Variants in CDK14 observed in about 807,000 individuals in gnomAD.
CDK14 encodes cyclin dependent kinase 14.
In CDK14, 34 loss-of-function variants were observed where a neutral mutation model predicts 60.7. The observed-to-expected ratio is 0.56, with a 90% confidence interval of 0.43 to 0.75. The LOEUF is 0.75. Ranked by LOEUF, CDK14 falls within the 30% of genes least tolerant of loss-of-function variation. The probability of loss-of-function intolerance (pLI) is 0.00; values close to 1 mark genes in which losing one functional copy is unlikely to be tolerated. For missense variants in CDK14, 482 were observed against 564.1 expected, an observed-to-expected ratio of 0.85 and a Z score of 1.47; for synonymous variants, 197 against 203.7, an observed-to-expected ratio of 0.97 and a Z score of 0.28.
At chr7:90,748,989 G>A (rs1803703452) in intron 4 of CDK14, among the ~76,000 whole-genome samples, 1 of 152,142 alleles carries the variant, frequency 6.6e-6, no homozygotes, top group African/African-American at 2.4e-5. Context: ...TTTTGATTAT[G>A]TGCTAATTTA....
chr7:91,098,347 T>TA (rs1418997289), intron 12 of CDK14, among the ~76,000 whole-genome samples: 1 of 152,148 alleles, frequency 6.6e-6, no homozygotes, highest in Non-Finnish European at 1.5e-5. Flanking sequence ...AACCATTTAA[T>TA]ACGTTTAGTC....
At chr7:90,877,842 TA>T (rs1467058394) in intron 6 of CDK14, among the ~76,000 whole-genome samples, 1 of 152,124 alleles carries the variant, frequency 6.6e-6, no homozygotes, top group East Asian at 1.9e-4. Context: ...TTTGGCTAAC[TA>T]AAAATACATT....
At chr7:90,780,235 C>A (rs1656225845) in intron 4 of CDK14, among the ~76,000 whole-genome samples, 2 of 151,730 alleles carry the variant, frequency 1.3e-5, no homozygotes, top group Admixed American at 6.6e-5. Context: ...AAATCAACTA[C>A]AATATTTAAT....
At chr7:90,747,912 T>C (rs1803660043) in intron 4 of CDK14, 137 bp downstream of exon 4, 1 of 351,930 alleles carries the variant, frequency 2.8e-6, no homozygotes, top group African/African-American at 2.2e-5. Context: ...TTTTTTTTTT[T>C]TTTTGGCAAG....
At chr7:91,189,876 A>G (rs1415600911) in intron 14 of CDK14, among the ~76,000 whole-genome samples, 2 of 152,226 alleles carry the variant, frequency 1.3e-5, no homozygotes, top group African/African-American at 2.4e-5. Flanking sequence ...GTTTTGGAGT[A>G]ATAAAACCTG....
At chr7:90,949,368 T>G (rs1584156751) in intron 8 of CDK14, among the ~76,000 whole-genome samples, 1 of 151,870 alleles carries the variant, frequency 6.6e-6, no homozygotes, top group Non-Finnish European at 1.5e-5. Context: ...ACTTGGCCAA[T>G]TTTTTGTATT....
At chr7:91,053,976 C>T (rs1299731898) in intron 11 of CDK14, among the ~76,000 whole-genome samples, 1 of 151,808 alleles carries the variant, frequency 6.6e-6, no homozygotes, top group Non-Finnish European at 1.5e-5. Context: ...TTTTTACATT[C>T]CCTTCAATAT....
intron 2 of CDK14, among the ~76,000 whole-genome samples, chr7:90,717,233 AT>A (rs1802281299): frequency 6.6e-6 from 1 of 152,144 alleles, no homozygotes; most frequent in Admixed American, 6.6e-5. Flanking sequence ...ATATGAGCCT[AT>A]AAACAAAACT....
chr7:90,712,122 T>A (rs1378596414), intron 2 of CDK14, among the ~76,000 whole-genome samples: 1 of 152,054 alleles, frequency 6.6e-6, no homozygotes, highest in Non-Finnish European at 1.5e-5. Flanking sequence ...CTTTGATATT[T>A]TTTATTGTGG....
intron 2 of CDK14, among the ~76,000 whole-genome samples, chr7:90,683,871 T>A (rs950847584): frequency 6.6e-6 from 1 of 151,092 alleles, no homozygotes; most frequent in Non-Finnish European, 1.5e-5. Flanking sequence ...TTTAGGGCCT[T>A]TGAGCAGATA....
chr7:90,856,557 G>C (rs574359802), intron 5 of CDK14, among the ~76,000 whole-genome samples: 1 of 152,170 alleles, frequency 6.6e-6, no homozygotes, highest in African/African-American at 2.4e-5. Flanking sequence ...CTGCGTATCA[G>C]TGCTCAGCGT....
At chr7:91,016,322 T>C (rs1046258869) in intron 10 of CDK14, among the ~76,000 whole-genome samples, 6 of 152,334 alleles carry the variant, frequency 3.9e-5, no homozygotes, top group Admixed American at 3.3e-4. Flanking sequence ...TTTACCATGA[T>C]TTTTTGTGGC....
intron 10 of CDK14, among the ~76,000 whole-genome samples, chr7:91,001,898 A>C (rs1428514476): frequency 6.6e-6 from 1 of 152,246 alleles, no homozygotes; most frequent in Non-Finnish European, 1.5e-5. Context: ...TGTAAGTGAT[A>C]CAACTTAACC....
At chr7:90,835,499 C>T (rs931045347) in intron 5 of CDK14, among the ~76,000 whole-genome samples, 8 of 152,066 alleles carry the variant, frequency 5.3e-5, no homozygotes, top group South Asian at 4.2e-4. Context: ...AATACAAATG[C>T]GCTTAATACA....
intron 3 of CDK14, among the ~76,000 whole-genome samples, chr7:90,728,828 T>C (rs953635157): frequency 6.6e-6 from 1 of 152,124 alleles, no homozygotes; most frequent in Admixed American, 6.6e-5. Context: ...GGCTTCAGCA[T>C]AGGGACTCTT....
intron 14 of CDK14, among the ~76,000 whole-genome samples, chr7:91,177,304 G>A (rs376805947): frequency 0.29 from 36,116 of 123,314 alleles, 3,900 homozygotes; most frequent in African/African-American, 0.33. Flanking sequence ...TTGATGGGAC[G>A]TATTTCAAAA....
chr7:90,919,595 T>C (rs113485658), intron 8 of CDK14, among the ~76,000 whole-genome samples: 103 of 152,330 alleles, frequency 6.8e-4, no homozygotes, highest in African/African-American at 2.3e-3. Flanking sequence ...CCTGTTCCTT[T>C]CTCTCATTCC....
chr7:90,764,770 T>A (rs1046517056), intron 4 of CDK14, among the ~76,000 whole-genome samples: 4 of 152,220 alleles, frequency 2.6e-5, no homozygotes, highest in Non-Finnish European at 5.9e-5. Context: ...TTCTTTGAAT[T>A]TTTAAAAGAT....
intron 12 of CDK14, among the ~76,000 whole-genome samples, chr7:91,082,976 G>A (rs1022641853): frequency 1.7e-4 from 26 of 152,076 alleles, no homozygotes; most frequent in African/African-American, 5.8e-4. Context: ...ATAATATATT[G>A]CAAAGTAAGC....
Sources: allele counts gnomAD v4.1 joint callset (sites outside exome capture counted in the v4.1 genomes callset), GRCh38; gene constraint gnomAD v4.1.1; transcripts MANE v1.5; gene names NCBI Gene and HGNC (gene_info 2026-07-23, HGNC 2026-07-21).